TRPC4: variants seen among roughly 807,000 people sequenced by gnomAD.
TRPC4 encodes the protein short transient receptor potential channel 4.
TRPC4 carries 49 observed loss-of-function variants against 99.4 expected under a neutral mutation model. The ratio of observed to expected loss-of-function variants is 0.49; its 90% confidence interval spans 0.39 to 0.63. The LOEUF (loss-of-function observed/expected upper bound fraction) is 0.63, where lower values mean the gene tolerates loss of function less well. Ranked by LOEUF, TRPC4 falls within the 20% of genes least tolerant of loss-of-function variation. TRPC4 has a pLI of 0.00. For missense variants in TRPC4, 898 were observed against 1,152.9 expected, an observed-to-expected ratio of 0.78 and a Z score of 3.20; for synonymous variants, 454 against 425.9, an observed-to-expected ratio of 1.07 and a Z score of -0.81.
intron 1 of TRPC4, among the ~76,000 whole-genome samples, chr13:37,823,879 T>C (rs1011846871): frequency 6.7e-6 from 1 of 150,344 alleles, no homozygotes; most frequent in Non-Finnish European, 1.5e-5. Flanking sequence ...GCCATTTTCA[T>C]GATATTGATT....
rs535399378 is a variant in TRPC4 at position 37,794,641 on chromosome 13, T to C, written c.-27-11281A>G. ...ATTCTATTCGTCTCTGCTTTTAACA[T>C]TGTCGCTGCCAACAAACCATGTGAC... On this transcript the variant is annotated intron_variant, in intron 1 of 10. Transcript: ENST00000379705. Among the ~76,000 whole-genome samples, 4 of 152,322 alleles carry C rather than the reference T, an allele frequency of 2.6e-5. No individual in the cohort carries two copies. The South Asian group carries it at 8.3e-4, about 32-fold the overall frequency.
At chr13:37,700,358 G>T (rs564921949) in intron 3 of TRPC4, among the ~76,000 whole-genome samples, 221 of 152,212 alleles carry the variant, frequency 1.5e-3, no homozygotes, top group Non-Finnish European at 2.2e-3. Flanking sequence ...TGAATGGGCT[G>T]GTTCTCCAGT....
At chr13:37,690,835 C>CTTTTTTTTTTTTTTTTTTTTTT (rs1953671217) in intron 4 of TRPC4, among the ~76,000 whole-genome samples, 1 of 148,610 alleles carries the variant, frequency 6.7e-6, no homozygotes, top group Non-Finnish European at 1.5e-5. Context: ...GCCTTGATGT[C>CTTTTTTTTTTTTTTTTTTTTTT]ATTTTAGTTT....
intron 4 of TRPC4, among the ~76,000 whole-genome samples, chr13:37,677,724 A>G (rs1953107139): frequency 6.6e-6 from 1 of 152,176 alleles, no homozygotes; most frequent in Non-Finnish European, 1.5e-5. Context: ...AGGTTTCAGC[A>G]TTCCTCTCTC....
rs376821432 is a variant in TRPC4, at chr13:37,751,839, A to G, written c.379-5384T>C. On this transcript the variant is annotated intron_variant, in intron 2 of 10. Transcript: ENST00000379705. ...CACAGATTTCCTGTATCTCCCAAGC[A>G]AAGTGAATCAAATGTTCATTTACTT... Among the ~76,000 whole-genome samples, 4 of 151,972 alleles carry G rather than the reference A, an allele frequency of 2.6e-5. No homozygotes were observed. In the South Asian group the frequency reaches 6.2e-4, roughly 24 times the overall value.
rs1429849829 is a variant in TRPC4 at position 37,635,820 on chromosome 13, G to A, written c.*1083C>T. 6.6e-6 allele frequency among the ~76,000 whole-genome samples: 1 copy of A among 151,880 alleles called. No homozygotes were observed. The highest frequency in any genetic ancestry group is 1.5e-5 in the Non-Finnish European group (1 of 67,930). On this transcript the variant is annotated 3_prime_UTR_variant, in exon 11 of 11. Coordinates refer to ENST00000379705, the MANE Select transcript of TRPC4 (RefSeq NM_016179.4). ...AGAAATAAGAATGTTTTTCCTATAG[G>A]CAAAACTATATATCTATATCTGCTG...
At chr13:37,750,858 C>T (rs978843997) in intron 2 of TRPC4, among the ~76,000 whole-genome samples, 3 of 151,952 alleles carry the variant, frequency 2.0e-5, no homozygotes, top group African/African-American at 4.8e-5. Context: ...TCCACGTGTT[C>T]TCATTGTTCA....
chr13:37,769,500 A>G (rs1158151772), intron 2 of TRPC4, among the ~76,000 whole-genome samples: 1 of 151,452 alleles, frequency 6.6e-6, no homozygotes, highest in Non-Finnish European at 1.5e-5. Context: ...CTCTTTCTCT[A>G]TTCAGAGAAA....
intron 1 of TRPC4, among the ~76,000 whole-genome samples, chr13:37,806,389 T>C (rs1957530975): frequency 6.6e-6 from 1 of 152,084 alleles, no homozygotes; most frequent in African/African-American, 2.4e-5. Context: ...AGCCTCTTGA[T>C]AGTACTGTAC....
intron 2 of TRPC4, among the ~76,000 whole-genome samples, chr13:37,759,920 T>C (rs552139528): frequency 6.6e-6 from 1 of 152,138 alleles, no homozygotes; most frequent in South Asian, 2.1e-4. Context: ...CACCTCAATG[T>C]TTTTCAAAAG....
At chr13:37,820,739 T>G (rs754979791) in intron 1 of TRPC4, among the ~76,000 whole-genome samples, 1 of 151,910 alleles carries the variant, frequency 6.6e-6, no homozygotes, top group African/African-American at 2.4e-5. Flanking sequence ...ATTCAACATC[T>G]TTCATAGTCA....
intron 2 of TRPC4, among the ~76,000 whole-genome samples, chr13:37,756,542 T>C (rs867568993): frequency 1.1e-4 from 16 of 151,438 alleles, no homozygotes; most frequent in Non-Finnish European, 2.1e-4. Flanking sequence ...TTTCTTTTTT[T>C]TTTTTTCTGA....
chr13:37,678,841 G>A (rs1953143703), intron 4 of TRPC4, among the ~76,000 whole-genome samples: 1 of 152,024 alleles, frequency 6.6e-6, no homozygotes, highest in Non-Finnish European at 1.5e-5. Context: ...ATAAATAGTA[G>A]TGAATAAAAG....
intron 1 of TRPC4, among the ~76,000 whole-genome samples, chr13:37,796,033 G>C (rs927733302): frequency 1.3e-5 from 2 of 152,064 alleles, no homozygotes; most frequent in Non-Finnish European, 1.5e-5. Context: ...AAAACCTTCA[G>C]GCTAAATTCG....
In TRPC4 at chr13:37,637,480, T is replaced by C; in HGVS notation, c.2357A>G (p.Asn786Ser). 1 of 1,613,794 alleles carries C rather than the reference T, an allele frequency of 6.2e-7. No homozygotes were observed. Among genetic ancestry groups the C allele is most frequent in the Non-Finnish European group, 8.5e-7 (1 of 1,179,804 alleles). The stretch of plus-strand genomic sequence containing the variant: ...GAAATTCTTTTTCTTGTCCTTGCTA[T>C]TACCTTCGCTATCACTCTTTTCATC... ...DSDEKSDSEG[N>S]SKDKKKNFSL... Residue 786 changes from asparagine (N) to serine (S), a missense_variant, in exon 11 of 11, where the codon AAT becomes AGT. Physicochemically the swap from Asn to Ser is conservative, Grantham distance 46. This residue lies in a region of TRPC4 where 346 missense variants were observed against 351.4 expected (regional missense o/e 0.98). Coordinates refer to ENST00000379705, the MANE Select transcript of TRPC4 (RefSeq NM_016179.4).
intron 3 of TRPC4, among the ~76,000 whole-genome samples, chr13:37,716,183 G>A (rs1954658307): frequency 1.3e-5 from 2 of 152,072 alleles, no homozygotes; most frequent in African/African-American, 2.4e-5. Context: ...GTTATGTGTT[G>A]TTGGTGTGAC....
At chr13:37,711,118 AC>A (rs1034208095) in intron 3 of TRPC4, among the ~76,000 whole-genome samples, 3 of 152,052 alleles carry the variant, frequency 2.0e-5, no homozygotes, top group Admixed American at 6.6e-5. Context: ...AGTACTACAT[AC>A]CTTTTGCTTA....
intron 1 of TRPC4, among the ~76,000 whole-genome samples, chr13:37,813,871 A>G (rs1288457078): frequency 6.6e-6 from 1 of 151,864 alleles, no homozygotes; most frequent in Non-Finnish European, 1.5e-5. Flanking sequence ...CACCAAATAC[A>G]AAGACATTAC....
chr13:37,840,445 T>G (rs2139634394), intron 1 of TRPC4, among the ~76,000 whole-genome samples: 1 of 152,162 alleles, frequency 6.6e-6, no homozygotes, highest in African/African-American at 2.4e-5. Flanking sequence ...TTAGACCCTT[T>G]TATATCAATG....
Sources: gnomAD v4.1 joint callset for allele counts (sites outside exome capture counted in the v4.1 genomes callset) on GRCh38, gnomAD v4.1.1 for gene constraint, gnomAD v4.1.1 regional missense constraint, MANE v1.5 for transcripts, NCBI Gene and HGNC (gene_info 2026-07-23, HGNC 2026-07-21) for gene names.